Variants in DNAAF10 observed in about 807,000 individuals in gnomAD.
DNAAF10 encodes the protein WD repeat domain 92.
DNAAF10 carries 28 observed loss-of-function variants against 43.7 expected under a neutral mutation model. The ratio of observed to expected loss-of-function variants is 0.64; its 90% CI spans 0.48 to 0.88. DNAAF10 has a LOEUF of 0.88. DNAAF10 is among the 40% of genes least tolerant of loss of function. DNAAF10 has a pLI of 0.00. For synonymous variants in DNAAF10, 156 were observed against 157.3 expected, an observed-to-expected ratio of 0.99 and a Z score of 0.06; for missense variants, 403 against 439.1, an observed-to-expected ratio of 0.92 and a Z score of 0.73.
At chr2:68,150,473 C>T (rs1673427421) in intron 1 of DNAAF10, among the ~76,000 whole-genome samples, 1 of 152,190 alleles carries the variant, frequency 6.6e-6, no homozygotes, top group Non-Finnish European at 1.5e-5. Context: ...TGGCTCACGC[C>T]TATAATATCA....
chr2:68,149,395 T>C (rs13392537), intron 1 of DNAAF10, among the ~76,000 whole-genome samples: 3,801 of 152,296 alleles, frequency 0.025, 141 homozygotes, highest in African/African-American at 0.083. Context: ...CAGTAACATG[T>C]TTGTAAAAGA....
At chr2:68,135,468 G>A (rs1277432060) in intron 6 of DNAAF10, among the ~76,000 whole-genome samples, 1 of 152,152 alleles carries the variant, frequency 6.6e-6, no homozygotes, top group East Asian at 1.9e-4. Context: ...AGGTTAACAG[G>A]TTGTTAGCAC....
chr2:68,134,177 T>A (rs578213061), intron 7 of DNAAF10: 13 of 985,572 alleles, frequency 1.3e-5, no homozygotes, highest in African/African-American at 3.5e-5. Flanking sequence ...ACCTTTTAAA[T>A]GATCTAGTAT....
chr2:68,144,595 G>A lies in DNAAF10; in HGVS notation c.405C>T (p.Gly135=), dbSNP rs1673270475. ...AATACAGGGACTCACCATCTCGGCTGCCAGTCACAATTTCAGGTGCTCCTT... is the reference window on the plus strand; with the variant it reads ...AATACAGGGACTCACCATCTCGGCTACCAGTCACAATTTCAGGTGCTCCTT... The part of the protein sequence containing the change: ...IGEGAPEIVT[G]SRDGTVKVWD... The change falls in exon 3 of 8, where the codon GGC becomes GGT. Residue 135 remains glycine (G), a synonymous_variant. Transcript: ENST00000295121. The A allele has an allele frequency of 6.2e-7, 1 of 1,613,590 alleles. No homozygotes were observed. Among genetic ancestry groups the A allele is most frequent in the African/African-American group, 1.3e-5 (1 of 74,968 alleles).
Position 68,130,104 on chromosome 2 carries a change from T to TGAGAGAGAGA in DNAAF10, c.*1124_*1133dup, listed in dbSNP as rs10574149. On this transcript the variant is annotated 3_prime_UTR_variant, in exon 8 of 8. Coordinates refer to ENST00000295121, the MANE Select transcript of DNAAF10 (RefSeq NM_138458.4). ...CAAATCTAGACCAACCGTGCCGTTTTGAGAGAGAGAGATATATATATATAT... is the reference window on the plus strand; with the variant it reads ...CAAATCTAGACCAACCGTGCCGTTTTGAGAGAGAGAGAGAGAGAGAGATATATATATATAT... 4.7e-5 allele frequency: 3 copies of TGAGAGAGAGA among 63,882 alleles called. No individual in the cohort carries two copies. The highest frequency in any genetic ancestry group is 1.1e-4 in the African/African-American group (3 of 26,440). 4.0% of individuals were successfully genotyped at this position (63,882 alleles called of 1,614,324 possible).
At chr2:68,140,339 C>T (rs1673148371) in intron 4 of DNAAF10, among the ~76,000 whole-genome samples, 1 of 152,124 alleles carries the variant, frequency 6.6e-6, no homozygotes, top group South Asian at 2.1e-4. Context: ...AATGACCTTA[C>T]CATTTTCCTT....
intron 6 of DNAAF10, among the ~76,000 whole-genome samples, chr2:68,136,342 G>A: frequency 6.6e-6 from 1 of 152,024 alleles, no homozygotes; most frequent in Admixed American, 6.5e-5. Context: ...AGTGATTTAT[G>A]TTGTTGATAG....
At position 68,131,239 on chromosome 2, in the gene DNAAF10, C is replaced by G; in HGVS notation, c.1073G>C (p.Ter358SerextTer16). The G allele has an allele frequency of 6.2e-7, 1 of 1,613,848 alleles. No homozygotes were observed. The highest frequency in any genetic ancestry group is 1.3e-5 in the African/African-American group (1 of 74,978). ...VLIVTKLNKI[*>S] ...AGCCTCAAGTCCAAAGTCTTGAAGT[C>G]AAATTTTATTGAGCTTTGTAACGAT... is the stretch of plus-strand genomic sequence containing the variant. Residue 358 changes from the stop codon to serine, a stop_lost, in exon 8 of 8, where the codon TGA becomes TCA. Coordinates refer to ENST00000295121, the MANE Select transcript of DNAAF10 (RefSeq NM_138458.4).
At chr2:68,141,538 C>T (rs1328161913) in intron 4 of DNAAF10, among the ~76,000 whole-genome samples, 156 bp downstream of exon 4, 7 of 152,196 alleles carry the variant, frequency 4.6e-5, no homozygotes, top group African/African-American at 1.7e-4. Context: ...AAACTCAGGC[C>T]CCAGAGGCTG....
intron 1 of DNAAF10, 51 bp downstream of exon 1, chr2:68,157,210 G>A (rs774831124): frequency 1.3e-6 from 2 of 1,571,882 alleles, no homozygotes; most frequent in Admixed American, 3.6e-5. Context: ...GCAGACCCCA[G>A]GATCCGCACT....
intron 4 of DNAAF10, among the ~76,000 whole-genome samples, chr2:68,140,546 C>T (rs1023795050): frequency 2.6e-5 from 4 of 152,112 alleles, no homozygotes; most frequent in African/African-American, 9.7e-5. Context: ...GTGCTTGTAA[C>T]TTAGGTCTTC....
chr2:68,134,880 T>A, intron 6 of DNAAF10, 81 bp from the exon 7 acceptor site: 2 of 1,473,684 alleles, frequency 1.4e-6, no homozygotes, highest in South Asian at 2.4e-5. Flanking sequence ...AAAAAACTCT[T>A]ACAACTATAA....
intron 4 of DNAAF10, among the ~76,000 whole-genome samples, chr2:68,140,659 T>G (rs1673154758): frequency 6.6e-6 from 1 of 152,162 alleles, no homozygotes; most frequent in Admixed American, 6.5e-5. Flanking sequence ...ATTTCATCTC[T>G]TCCTTGCAAA....
At chr2:68,137,507 C>T in intron 5 of DNAAF10, 74 bp from the exon 6 acceptor site, 2 of 1,311,886 alleles carry the variant, frequency 1.5e-6, no homozygotes, top group East Asian at 5.2e-5. Context: ...CTAAGTAAAA[C>T]AGCTTTAAAA....
intron 6 of DNAAF10, among the ~76,000 whole-genome samples, chr2:68,136,666 C>A (rs192702904): frequency 7.0e-4 from 107 of 152,264 alleles, no homozygotes; most frequent in Non-Finnish European, 1.4e-3. Flanking sequence ...AATGACAGGA[C>A]CTTTCTGCAT....
At position 68,131,169 on chromosome 2, in the gene DNAAF10, C is replaced by T. The variant is rs12616686; in HGVS notation, c.*69G>A. ...TCCTGACCTTCTGATCCACCCGCCT[C>T]GGCCTCCCAAAGTGCTGGGATTACA... is the stretch of plus-strand genomic sequence containing the variant. On this transcript the variant is annotated 3_prime_UTR_variant, in exon 8 of 8. Transcript: ENST00000295121. The T allele has an allele frequency of 4.3e-5, 64 of 1,503,916 alleles. No homozygotes were observed. The highest frequency in any genetic ancestry group is 1.1e-4 in the South Asian group (10 of 88,386). 93.2% of individuals were successfully genotyped at this position (1,503,916 alleles called of 1,614,324 possible).
At chr2:68,139,403 G>A (rs1213828675) in intron 4 of DNAAF10, among the ~76,000 whole-genome samples, 1 of 152,062 alleles carries the variant, frequency 6.6e-6, no homozygotes, top group Non-Finnish European at 1.5e-5. Context: ...AGAATCATGA[G>A]CCAAATAAAA....
intron 1 of DNAAF10, among the ~76,000 whole-genome samples, 165 bp from the exon 2 acceptor site, chr2:68,147,732 T>C (rs1000383294): frequency 1.3e-5 from 2 of 152,260 alleles, no homozygotes; most frequent in African/African-American, 4.8e-5. Context: ...TTTACTCATT[T>C]TTCTTTAAAA....
At chr2:68,151,262 A>G (rs1009013943) in intron 1 of DNAAF10, among the ~76,000 whole-genome samples, 1 of 152,088 alleles carries the variant, frequency 6.6e-6, no homozygotes, top group Non-Finnish European at 1.5e-5. Context: ...GCCACACCAG[A>G]CAGCTTGCTT....
Sources: allele counts gnomAD v4.1 joint callset (sites outside exome capture counted in the v4.1 genomes callset), GRCh38; gene constraint gnomAD v4.1.1; transcripts MANE v1.5; gene names NCBI Gene and HGNC (gene_info 2026-07-23, HGNC 2026-07-21).